Variants in TBC1D31 observed in about 807,000 individuals in gnomAD.
TBC1D31 encodes the protein TBC1 domain family member 31, also known as WD repeat domain 67.
Under a neutral mutation model 132.9 loss-of-function variants are expected in TBC1D31, and 99 were observed. That is an observed-to-expected ratio of 0.74 (90% CI 0.63 to 0.88). The LOEUF is 0.88. Ranked by LOEUF, TBC1D31 falls within the 40% of genes least tolerant of loss-of-function variation. The probability of loss-of-function intolerance (pLI) is 0.00; values close to 1 mark genes in which losing one functional copy is unlikely to be tolerated. For synonymous variants in TBC1D31, 385 were observed against 419.4 expected (o/e 0.92, Z 1.00); for missense variants, 1,134 against 1,256.6 (o/e 0.90, Z 1.48).
chr8:123,104,331 T>C (rs1817721401), intron 7 of TBC1D31: 1 of 152,206 alleles, frequency 6.6e-6, no homozygotes. Flanking sequence ...GCGCTATTTA[T>C]TGTTTGTAAA....
At chr8:123,161,431 G>A in the TBC1D31 span, among the ~76,000 whole-genome samples, 1 of 152,188 alleles carries the variant, frequency 6.6e-6, no homozygotes, top group Admixed American at 6.5e-5. Flanking sequence ...AGAGCAACCC[G>A]AAGGGCTCAG....
chr8:123,088,096 G>A (rs1815959399), intron 4 of TBC1D31, among the ~76,000 whole-genome samples: 1 of 151,720 alleles, frequency 6.6e-6, no homozygotes, highest in South Asian at 2.1e-4. Flanking sequence ...GGCTGAGGCA[G>A]AAGAATCGCT....
chr8:123,117,603 A>T (rs1169217079), intron 10 of TBC1D31, among the ~76,000 whole-genome samples: 1 of 151,220 alleles, frequency 6.6e-6, no homozygotes. Context: ...AAATACAAAA[A>T]TTAGCCGGGC....
At chr8:123,086,447 A>G (rs1242002895) in intron 4 of TBC1D31, among the ~76,000 whole-genome samples, 1 of 152,152 alleles carries the variant, frequency 6.6e-6, no homozygotes, top group Non-Finnish European at 1.5e-5. Context: ...CAGAGCCGGC[A>G]GGGTGTGAAG....
intron 6 of TBC1D31, among the ~76,000 whole-genome samples, chr8:123,100,507 C>T (rs1187608651): frequency 2.0e-5 from 3 of 151,814 alleles, no homozygotes; most frequent in East Asian, 1.9e-4. Context: ...ACCCAGGGGG[C>T]GGAGGTTGCA....
intron 10 of TBC1D31, among the ~76,000 whole-genome samples, chr8:123,116,193 A>T (rs1398870809): frequency 1.3e-5 from 2 of 152,220 alleles, no homozygotes; most frequent in Non-Finnish European, 2.9e-5. Flanking sequence ...TGAAGAAAAG[A>T]TAGGTTATTT....
At chr8:123,142,662 A>G (rs1821823293) in intron 19 of TBC1D31, among the ~76,000 whole-genome samples, 3 of 152,206 alleles carry the variant, frequency 2.0e-5, no homozygotes, top group Admixed American at 1.3e-4. Flanking sequence ...AATAGTACAG[A>G]GTCAAATGAC....
At chr8:123,104,078 C>T (rs1817698156) in intron 7 of TBC1D31, 3 of 152,078 alleles carry the variant, frequency 2.0e-5, no homozygotes, top group Admixed American at 1.3e-4. Context: ...AAAGGTATGT[C>T]AAGTCAGGTT....
At chr8:123,087,557 T>A (rs1360242824) in intron 4 of TBC1D31, among the ~76,000 whole-genome samples, 2 of 152,262 alleles carry the variant, frequency 1.3e-5, no homozygotes, top group Admixed American at 1.3e-4. Flanking sequence ...TCTTCTTTAA[T>A]TGCTTTAGTA....
downstream of TBC1D31, among the ~76,000 whole-genome samples, chr8:123,154,551 G>A (rs1822938761): frequency 6.6e-6 from 1 of 152,172 alleles, no homozygotes; most frequent in African/African-American, 2.4e-5. Flanking sequence ...CAGGGAGGCA[G>A]GGCATAAGGA....
chr8:123,117,293 GAA>G (rs1819012231), intron 10 of TBC1D31, among the ~76,000 whole-genome samples: 1 of 151,498 alleles, frequency 6.6e-6, no homozygotes, highest in Non-Finnish European at 1.5e-5. Context: ...CCGCCTGGGT[GAA>G]AGAGTGAGAC....
chr8:123,073,465 C>T lies in TBC1D31; in HGVS notation c.77+619C>T, dbSNP rs551130199. On this transcript the variant is annotated intron_variant, in intron 1 of 21. Transcript: ENST00000287380. ...GGGCTGGGGCGTTCATTATGCATTG[C>T]TGGGGGGCTTCTAGTACGGCCAGCG... 778 of 453,098 alleles carry T rather than the reference C, an allele frequency of 1.7e-3. 3 individuals are homozygous for T. The highest frequency in any genetic ancestry group is 2.1e-3 in the Non-Finnish European group (482 of 225,616). 28.1% of individuals were successfully genotyped at this position (453,098 alleles called of 1,614,324 possible). A position where few individuals can be genotyped will look rare whatever the true frequency, so the allele number is the denominator to read the frequency against.
the TBC1D31 span, among the ~76,000 whole-genome samples, chr8:123,157,740 C>CAA: frequency 6.6e-6 from 1 of 151,272 alleles, no homozygotes; most frequent in Admixed American, 6.6e-5. Flanking sequence ...CACACACACA[C>CAA]ACCCGCTGTT....
intron 10 of TBC1D31, among the ~76,000 whole-genome samples, chr8:123,118,612 G>A (rs1819177295): frequency 6.6e-6 from 1 of 151,542 alleles, no homozygotes; most frequent in African/African-American, 2.4e-5. Context: ...TGAAACGCTG[G>A]TTTCTTTAAT....
chr8:123,130,825 T>G (rs1461081030), intron 16 of TBC1D31, among the ~76,000 whole-genome samples: 1 of 151,736 alleles, frequency 6.6e-6, no homozygotes, highest in East Asian at 2.0e-4. Flanking sequence ...TTTCATCATG[T>G]TGGCTAGGCT....
chr8:123,130,222 G>A lies in TBC1D31; in HGVS notation c.2295G>A (p.Leu765=). ...RQRLAAVKRE[L]KVKEMHLQDA... ...GGCTAGCTGCTGTGAAAAGAGAGCT[G>A]AAAGTAAAGGAAATGCACTTACAAG... Residue 765 remains leucine, a synonymous_variant, in exon 16 of 22, where the codon CTG becomes CTA. Coordinates refer to ENST00000287380, the MANE Select transcript of TBC1D31 (RefSeq NM_145647.4). 2.0e-5 allele frequency: 32 copies of A among 1,611,446 alleles called. No homozygotes were observed. Among genetic ancestry groups the A allele is most frequent in the Non-Finnish European group, 2.7e-5 (32 of 1,178,748 alleles).
chr8:123,105,184 A>G, intron 7 of TBC1D31, 104 bp from the exon 8 acceptor site: 1 of 775,002 alleles, frequency 1.3e-6, no homozygotes, highest in Non-Finnish European at 1.8e-6. Context: ...ATAATTCTAC[A>G]TATTAAGGCA....
chr8:123,158,494 A>G, the TBC1D31 span, among the ~76,000 whole-genome samples: 1 of 152,090 alleles, frequency 6.6e-6, no homozygotes, highest in Non-Finnish European at 1.5e-5. Context: ...CGAGTGATGG[A>G]CAGACCGACG....
chr8:123,110,614 ACG>A, intron 10 of TBC1D31, among the ~76,000 whole-genome samples: 1 of 152,090 alleles, frequency 6.6e-6, no homozygotes, highest in Non-Finnish European at 1.5e-5. Flanking sequence ...ATAGCCAATC[ACG>A]TTGGGTGAAT....
Sources: allele counts gnomAD v4.1 joint callset (sites outside exome capture counted in the v4.1 genomes callset), GRCh38; gene constraint gnomAD v4.1.1; transcripts MANE v1.5; gene names NCBI Gene and HGNC (gene_info 2026-07-23, HGNC 2026-07-21).